SGPP2: variants seen among roughly 807,000 people sequenced by gnomAD.
SGPP2 encodes the protein sphingosine 1-phosphate phosphohydrolase 2.
SGPP2 carries 30 observed loss-of-function variants against 33.9 expected under a neutral mutation model. The observed-to-expected ratio is 0.89, with a 90% CI of 0.66 to 1.20. The LOEUF is 1.20. SGPP2 is among the 50% of genes most tolerant of loss of function. SGPP2 has a pLI of 0.00. For missense variants in SGPP2, 458 were observed against 532.1 expected (o/e 0.86, Z 1.37); for synonymous variants, 233 against 225.0 (o/e 1.04, Z -0.32).
At chr2:222,459,401 C>T (rs1214918619) in intron 1 of SGPP2, among the ~76,000 whole-genome samples, 1 of 152,038 alleles carries the variant, frequency 6.6e-6, no homozygotes, top group Non-Finnish European at 1.5e-5. Flanking sequence ...CTGCCTGCCT[C>T]GGCCTCCCAA....
At position 222,424,700 on chromosome 2, in the gene SGPP2, A is replaced by G. The variant is rs1468024924; in HGVS notation, c.98A>G (p.Glu33Gly). The change falls in exon 1 of 5, where the codon GAG (glutamate) becomes GGG (glycine). Residue 33 changes from glutamate to glycine, a missense_variant. Transcript: ENST00000321276. ...CCCGCTCCGGATGAAGGCCCCCGGG[A>G]GAACGGCGCGGACCCCACGGAGCGC... ...LFPAPDEGPR[E>G]NGADPTERAA... 2.1e-6 allele frequency: 3 copies of G among 1,450,638 alleles called. No individual in the cohort carries two copies. Among genetic ancestry groups the G allele is most frequent in the African/African-American group, 2.9e-5 (2 of 67,830 alleles). 89.9% of individuals were successfully genotyped at this position (1,450,638 alleles called of 1,614,324 possible).
Position 222,474,572 on chromosome 2 carries a change from A to T in SGPP2, c.224A>T (p.Tyr75Phe), listed in dbSNP as rs755066688. 6.2e-7 allele frequency: 1 copy of T among 1,613,454 alleles called. No homozygotes were observed. Among genetic ancestry groups the T allele is most frequent in the Non-Finnish European group, 8.5e-7 (1 of 1,179,788 alleles). The part of the protein sequence containing the change: ...GLRRAAAPEA[Y>F]VQKYVVKNYF... ...CTTCTAACTTTTGTCTTTTAGGCTT[A>T]TGTACAGAAGTACGTCGTGAAGAAT... Residue 75 changes from tyrosine to phenylalanine, a missense_variant, in exon 2 of 5, where the codon TAT (tyrosine) becomes TTT (phenylalanine). Physicochemically the swap from Tyr to Phe is conservative, Grantham distance 22. Coordinates refer to ENST00000321276, the MANE Select transcript of SGPP2 (RefSeq NM_152386.4).
intron 2 of SGPP2, among the ~76,000 whole-genome samples, chr2:222,496,825 G>A (rs1287778678): frequency 1.3e-5 from 2 of 152,156 alleles, no homozygotes; most frequent in Non-Finnish European, 2.9e-5. Context: ...TCCTGTGTCT[G>A]CATTCCCTCC....
At chr2:222,435,567 T>C (rs1005218936) in intron 1 of SGPP2, among the ~76,000 whole-genome samples, 2 of 152,244 alleles carry the variant, frequency 1.3e-5, no homozygotes, top group African/African-American at 4.8e-5. Flanking sequence ...GTTATAATTA[T>C]GTCTAACATA....
intron 1 of SGPP2, among the ~76,000 whole-genome samples, chr2:222,450,015 T>C (rs761529745): frequency 6.6e-6 from 1 of 152,300 alleles, no homozygotes; most frequent in African/African-American, 2.4e-5. Context: ...CCATAAGAAA[T>C]TGACATTTTT....
intron 1 of SGPP2, among the ~76,000 whole-genome samples, chr2:222,451,031 T>C (rs772894840): frequency 2.6e-5 from 4 of 152,088 alleles, no homozygotes; most frequent in Non-Finnish European, 5.9e-5. Flanking sequence ...TTTGACCAAA[T>C]GTATAATGCA....
intron 1 of SGPP2, among the ~76,000 whole-genome samples, chr2:222,453,753 G>T (rs1697528729): frequency 6.6e-6 from 1 of 152,108 alleles, no homozygotes; most frequent in Non-Finnish European, 1.5e-5. Flanking sequence ...TATAAGTAAG[G>T]CTTCCAGTTA....
chr2:222,443,188 T>C (rs1324510425), intron 1 of SGPP2, among the ~76,000 whole-genome samples: 1 of 152,196 alleles, frequency 6.6e-6, no homozygotes, highest in East Asian at 1.9e-4. Flanking sequence ...CTATGAATCA[T>C]ATATTTTTTT....
At chr2:222,500,324 G>A (rs1312661931) in intron 2 of SGPP2, among the ~76,000 whole-genome samples, 2 of 152,088 alleles carry the variant, frequency 1.3e-5, no homozygotes, top group African/African-American at 2.4e-5. Context: ...ACTTCCAGCT[G>A]GATGTCTCGT....
At chr2:222,467,386 G>A (rs1697762608) in intron 1 of SGPP2, among the ~76,000 whole-genome samples, 1 of 152,104 alleles carries the variant, frequency 6.6e-6, no homozygotes, top group South Asian at 2.1e-4. Context: ...TGAGTACCCT[G>A]CACACACCAT....
chr2:222,453,441 C>T (rs771565515), intron 1 of SGPP2, among the ~76,000 whole-genome samples: 2 of 152,146 alleles, frequency 1.3e-5, no homozygotes, highest in Non-Finnish European at 2.9e-5. Flanking sequence ...AGTGAGCCAC[C>T]TCCACAACAA....
At chr2:222,456,422 T>C (rs561072625) in intron 1 of SGPP2, among the ~76,000 whole-genome samples, 2 of 152,242 alleles carry the variant, frequency 1.3e-5, no homozygotes, top group Non-Finnish European at 2.9e-5. Context: ...GGATCTTTTA[T>C]TTTGTTAAAT....
At chr2:222,492,379 G>A (rs1698210603) in intron 2 of SGPP2, among the ~76,000 whole-genome samples, 1 of 152,250 alleles carries the variant, frequency 6.6e-6, no homozygotes, top group Non-Finnish European at 1.5e-5. Flanking sequence ...ACTTCTGTGT[G>A]CCCACAGGCC....
intron 4 of SGPP2, among the ~76,000 whole-genome samples, chr2:222,535,999 A>G (rs1698910131): frequency 6.6e-6 from 1 of 152,218 alleles, no homozygotes; most frequent in South Asian, 2.1e-4. Context: ...ACATTTAGGG[A>G]CAGCATGGAT....
intron 1 of SGPP2, among the ~76,000 whole-genome samples, chr2:222,443,588 T>C (rs1278936604): frequency 6.6e-6 from 1 of 152,260 alleles, no homozygotes; most frequent in African/African-American, 2.4e-5. Flanking sequence ...CCTCTGCCAT[T>C]TCTTCTCGCT....
At chr2:222,429,753 G>A (rs1481273318) in intron 1 of SGPP2, among the ~76,000 whole-genome samples, 2 of 152,122 alleles carry the variant, frequency 1.3e-5, no homozygotes, top group Non-Finnish European at 2.9e-5. Context: ...CAAATAAAAT[G>A]TCCAGACTTG....
chr2:222,446,682 T>C (rs555766814), intron 1 of SGPP2, among the ~76,000 whole-genome samples: 1 of 152,368 alleles, frequency 6.6e-6, no homozygotes, highest in African/African-American at 2.4e-5. Flanking sequence ...TAAGATCCTT[T>C]CCATTTTTGG....
At chr2:222,455,049 A>T (rs1019584138) in intron 1 of SGPP2, among the ~76,000 whole-genome samples, 2 of 152,048 alleles carry the variant, frequency 1.3e-5, no homozygotes, top group Non-Finnish European at 2.9e-5. Flanking sequence ...AGTCTAGTTT[A>T]GATGAAAAAA....
intron 2 of SGPP2, among the ~76,000 whole-genome samples, chr2:222,491,471 G>A (rs1040015820): frequency 1.3e-5 from 2 of 152,084 alleles, no homozygotes; most frequent in African/African-American, 4.8e-5. Context: ...CATCTTACAT[G>A]GCAGCAGGCA....
Sources: allele counts gnomAD v4.1 joint callset (sites outside exome capture counted in the v4.1 genomes callset), GRCh38; gene constraint gnomAD v4.1.1; transcripts MANE v1.5; gene names NCBI Gene and HGNC (gene_info 2026-07-23, HGNC 2026-07-21).